Variants in XKR4 observed in about 807,000 individuals in gnomAD.
XKR4 encodes XK related 4.
XKR4 carries 12 observed loss-of-function variants against 53.9 expected under a neutral mutation model. That is an observed-to-expected ratio of 0.22 (90% CI 0.14 to 0.36). The LOEUF (loss-of-function observed/expected upper bound fraction) is 0.36, where lower values mean the gene tolerates loss of function less well. Ranked by LOEUF, XKR4 falls within the 10% of genes least tolerant of loss-of-function variation. The pLI is 1.00. For missense variants in XKR4, 799 were observed against 859.5 expected, an observed-to-expected ratio of 0.93 and a Z score of 0.88; for synonymous variants, 354 against 362.4, an observed-to-expected ratio of 0.98 and a Z score of 0.26.
At chr8:55,456,285 G>T (rs1805568046) in intron 2 of XKR4, among the ~76,000 whole-genome samples, 1 of 152,080 alleles carries the variant, frequency 6.6e-6, no homozygotes, top group Admixed American at 6.5e-5. Context: ...TACAAAATTA[G>T]CCTGGCTTGG....
At chr8:55,417,936 T>A (rs1390371452) in intron 2 of XKR4, among the ~76,000 whole-genome samples, 2 of 152,090 alleles carry the variant, frequency 1.3e-5, no homozygotes, top group Non-Finnish European at 2.9e-5. Context: ...CATTCCTATT[T>A]TGGGAGCCCA....
At chr8:55,465,918 A>T (rs921556750) in intron 2 of XKR4, among the ~76,000 whole-genome samples, 2 of 152,150 alleles carry the variant, frequency 1.3e-5, no homozygotes, top group Non-Finnish European at 2.9e-5. Context: ...AGAGAAATGC[A>T]AATCAAAACC....
chr8:55,428,426 T>C (rs1418360769), intron 2 of XKR4, among the ~76,000 whole-genome samples: 1 of 152,198 alleles, frequency 6.6e-6, no homozygotes, highest in East Asian at 1.9e-4. Flanking sequence ...AGTAGACTTT[T>C]AGACAGTTGC....
rs578214785 is a variant in XKR4, at chr8:55,495,616, T to TC, written c.1007-27658dup. Among the ~76,000 whole-genome samples, 514 of 151,866 alleles carry TC rather than the reference T, an allele frequency of 3.4e-3. 2 individuals carry two copies. The highest frequency in any genetic ancestry group is 6.2e-3 in the Non-Finnish European group (419 of 67,926). ...GGGGTGGATTTGAGGATTGTCTCCT[T>TC]CCCCCCCAGGCCCTCCCCACAGTGG... On this transcript the variant is annotated intron_variant, in intron 2 of 2. Coordinates refer to ENST00000327381, the MANE Select transcript of XKR4 (RefSeq NM_052898.2).
rs1338598976 is a variant in XKR4, at chr8:55,524,891, T to G, written c.*664T>G. Reference sequence around the variant, plus strand: ...CATTTTCTACACATTTCAGGATTTGTTTTATATTTTAAATTTTCAGTTGCG... The same window carrying G: ...CATTTTCTACACATTTCAGGATTTGGTTTATATTTTAAATTTTCAGTTGCG... On this transcript the variant is annotated 3_prime_UTR_variant, in exon 3 of 3. Coordinates refer to ENST00000327381, the MANE Select transcript of XKR4 (RefSeq NM_052898.2). 1 of 152,782 alleles carries G rather than the reference T, an allele frequency of 6.5e-6. No individual in the cohort carries two copies. The highest frequency in any genetic ancestry group is 3.4e-3 in the Middle Eastern group (1 of 294). The allele number at this position is 152,782 out of a possible 1,614,324, so 9.5% of individuals were successfully genotyped here.
chr8:55,368,018 T>A (rs557602319), intron 2 of XKR4, among the ~76,000 whole-genome samples: 1 of 152,332 alleles, frequency 6.6e-6, no homozygotes, highest in African/African-American at 2.4e-5. Flanking sequence ...TGGAGTGCAG[T>A]GGCACAATCT....
intron 1 of XKR4, among the ~76,000 whole-genome samples, chr8:55,144,672 C>T (rs932491947): frequency 1.3e-4 from 20 of 152,134 alleles, no homozygotes; most frequent in African/African-American, 4.1e-4. Context: ...AAAAGAGGTT[C>T]GGTATGTGAA....
intron 1 of XKR4, among the ~76,000 whole-genome samples, chr8:55,278,231 G>A (rs1293972466): frequency 1.3e-5 from 2 of 151,828 alleles, no homozygotes; most frequent in Admixed American, 6.6e-5. Flanking sequence ...CAGCTTCTCG[G>A]GAAGCTGGGG....
At chr8:55,201,450 G>T (rs1325967808) in intron 1 of XKR4, among the ~76,000 whole-genome samples, 2 of 152,212 alleles carry the variant, frequency 1.3e-5, no homozygotes, top group Admixed American at 1.3e-4. Flanking sequence ...CTCTAGACTG[G>T]AGAGTAATTT....
intron 1 of XKR4, among the ~76,000 whole-genome samples, chr8:55,111,772 C>T (rs1339564656): frequency 6.6e-6 from 1 of 152,080 alleles, no homozygotes; most frequent in Non-Finnish European, 1.5e-5. Context: ...CAAATAAGAA[C>T]AACGCTTCAC....
chr8:55,442,491 C>T (rs1354786747), intron 2 of XKR4, among the ~76,000 whole-genome samples: 1 of 152,150 alleles, frequency 6.6e-6, no homozygotes, highest in African/African-American at 2.4e-5. Flanking sequence ...TAGATATACG[C>T]CCAAGAGATT....
intron 1 of XKR4, among the ~76,000 whole-genome samples, chr8:55,301,631 A>G (rs965984442): frequency 1.3e-5 from 2 of 152,070 alleles, no homozygotes; most frequent in African/African-American, 2.4e-5. Flanking sequence ...AAGTGTTCCT[A>G]TTTCTCCACA....
At chr8:55,159,489 T>C (rs931785102) in intron 1 of XKR4, among the ~76,000 whole-genome samples, 2 of 152,156 alleles carry the variant, frequency 1.3e-5, no homozygotes, top group Non-Finnish European at 2.9e-5. Flanking sequence ...GTAGGGAACA[T>C]CCAATTTGAA....
In XKR4 at chr8:55,378,754, ACT is replaced by A. The variant is rs1423618038; in HGVS notation, c.1006+20880_1006+20881del. 7.2e-4 allele frequency among the ~76,000 whole-genome samples: 110 copies of A among 152,106 alleles called. 1 individual carries two copies. The highest frequency in any genetic ancestry group is 2.5e-3 in the African/African-American group (104 of 41,462). ...CAGAAGGCAGTGGATTCAAGCCCTG[ACT>A]CTATGATTCTCTAGCTAAGGGAATG... On this transcript the variant is annotated intron_variant, in intron 2 of 2. Transcript: ENST00000327381.
intron 2 of XKR4, among the ~76,000 whole-genome samples, chr8:55,374,356 T>C (rs1277196831): frequency 6.6e-6 from 1 of 152,216 alleles, no homozygotes; most frequent in Non-Finnish European, 1.5e-5. Context: ...TAAGTGGTCC[T>C]GGGTAGGCCC....
chr8:55,453,207 G>A (rs1044182437), intron 2 of XKR4: 24 of 492,124 alleles, frequency 4.9e-5, no homozygotes, highest in African/African-American at 3.6e-4. Flanking sequence ...TTACCCCTTG[G>A]CTCCGCTTCC....
intron 1 of XKR4, among the ~76,000 whole-genome samples, chr8:55,112,562 G>GTTTT (rs761779642): frequency 0.16 from 11,957 of 76,910 alleles, 2,818 homozygotes; most frequent in East Asian, 0.25. Context: ...TACTTTTCAG[G>GTTTT]TTTTTTTTTT....
chr8:55,531,115 G>A lies in XKR4; in HGVS notation c.*6888G>A, dbSNP rs1048626777. 1 of 152,172 alleles carries A rather than the reference G, an allele frequency of 6.6e-6. No homozygotes were observed. Among genetic ancestry groups the A allele is most frequent in the African/African-American group, 2.4e-5 (1 of 41,428 alleles). The allele number at this position is 152,172 out of a possible 1,614,324, so 9.4% of individuals were successfully genotyped here. A position where few individuals can be genotyped will look rare whatever the true frequency, so the allele number is the denominator to read the frequency against. On this transcript the variant is annotated 3_prime_UTR_variant, in exon 3 of 3. Transcript: ENST00000327381. ...AACACAGCTTTTCTAAGACTATGCA[G>A]TCATGTGTCACTTAAGGATGGGGAT... is the stretch of plus-strand genomic sequence containing the variant.
intron 2 of XKR4, among the ~76,000 whole-genome samples, chr8:55,383,640 T>G (rs1461254389): frequency 6.6e-6 from 1 of 152,240 alleles, no homozygotes; most frequent in Admixed American, 6.5e-5. Flanking sequence ...ATCCAATTTT[T>G]CTAATAATTA....
Sources: allele counts gnomAD v4.1 joint callset (sites outside exome capture counted in the v4.1 genomes callset), GRCh38; gene constraint gnomAD v4.1.1; transcripts MANE v1.5; gene names NCBI Gene and HGNC (gene_info 2026-07-23, HGNC 2026-07-21).